The following EGFR variants were observed in gnomAD, a reference collection of about 807,000 sequenced individuals.
The protein encoded by EGFR is epidermal growth factor receptor, also known as avian erythroblastic leukemia viral (v-erb-b) oncogene homolog.
Under a neutral mutation model 143.0 loss-of-function variants are expected in EGFR, and 58 were observed. The ratio of observed to expected loss-of-function variants is 0.41; its 90% CI spans 0.33 to 0.50. The LOEUF (loss-of-function observed/expected upper bound fraction) is 0.50, where lower values mean the gene tolerates loss of function less well. Ranked by LOEUF, EGFR falls within the 20% of genes least tolerant of loss-of-function variation. The pLI is 0.39. For missense variants in EGFR, 1,307 were observed against 1,579.0 expected, an observed-to-expected ratio of 0.83 and a Z score of 2.92; for synonymous variants, 613 against 594.4, an observed-to-expected ratio of 1.03 and a Z score of -0.45.
At chr7:55,032,664 T>C (rs1220011901) in intron 1 of EGFR, among the ~76,000 whole-genome samples, 1 of 152,204 alleles carries the variant, frequency 6.6e-6, no homozygotes, top group Non-Finnish European at 1.5e-5. Context: ...TTTCTGTTAT[T>C]ACTATTTTGC....
chr7:55,208,077 G>A lies in EGFR; in HGVS notation c.*2460G>A, dbSNP rs533081045. ...ACAGTAACTTAATAAAAGAGCAAAA[G>A]CTATTCTAGCTTTCTTCTTCATATT... On this transcript the variant is annotated 3_prime_UTR_variant, in exon 28 of 28. Transcript: ENST00000275493. 6.6e-6 allele frequency: 1 copy of A among 152,230 alleles called. No individual in the cohort carries two copies. Among genetic ancestry groups the A allele is most frequent in the East Asian group, 1.9e-4 (1 of 5,180 alleles). 9.4% of individuals were successfully genotyped at this position (152,230 alleles called of 1,614,324 possible).
intron 1 of EGFR, among the ~76,000 whole-genome samples, chr7:55,139,527 G>A (rs17172448): frequency 0.057 from 8,698 of 152,236 alleles, 307 homozygotes; most frequent in Middle Eastern, 0.16. Flanking sequence ...GTATGTGACA[G>A]GGGAAAGCCT....
intron 1 of EGFR, among the ~76,000 whole-genome samples, chr7:55,141,676 T>A (rs1794466344): frequency 1.3e-5 from 2 of 152,250 alleles, no homozygotes; most frequent in South Asian, 4.1e-4. Flanking sequence ...CCAGTTAGGT[T>A]TTTAATTTAC....
chr7:55,178,999 G>A (rs570184408), intron 19 of EGFR, among the ~76,000 whole-genome samples: 1 of 152,220 alleles, frequency 6.6e-6, no homozygotes, highest in African/African-American at 2.4e-5. Context: ...AAGAAGCAAA[G>A]GTCCAGGCCC....
At chr7:55,049,033 T>C (rs1489542528) in intron 1 of EGFR, among the ~76,000 whole-genome samples, 1 of 152,194 alleles carries the variant, frequency 6.6e-6, no homozygotes, top group East Asian at 1.9e-4. Context: ...AAGATGGCAC[T>C]CTAAACTACT....
intron 10 of EGFR, among the ~76,000 whole-genome samples, chr7:55,157,192 G>C (rs975366422): frequency 8.5e-5 from 13 of 152,242 alleles, no homozygotes; most frequent in African/African-American, 2.9e-4. Flanking sequence ...GTGGGGCCAC[G>C]GGCAAGCCTC....
chr7:55,102,619 G>C (rs1455301228), intron 1 of EGFR, among the ~76,000 whole-genome samples: 1 of 152,036 alleles, frequency 6.6e-6, no homozygotes, highest in Non-Finnish European at 1.5e-5. Context: ...ACAATATATG[G>C]TTTTCCCCTG....
At chr7:55,021,924 C>A (rs1244093839) in intron 1 of EGFR, among the ~76,000 whole-genome samples, 2 of 152,206 alleles carry the variant, frequency 1.3e-5, no homozygotes, top group African/African-American at 4.8e-5. Flanking sequence ...AACTCCAGAT[C>A]CCTCTCTCAA....
At chr7:55,198,998 T>C (rs745990911) in intron 23 of EGFR, 135 bp downstream of exon 23, 2 of 1,155,626 alleles carry the variant, frequency 1.7e-6, no homozygotes, top group Non-Finnish European at 2.5e-6. Context: ...TCCAGAAACA[T>C]CTGTAAATAC....
At chr7:55,114,281 C>G (rs1156513990) in intron 1 of EGFR, among the ~76,000 whole-genome samples, 6 of 152,234 alleles carry the variant, frequency 3.9e-5, no homozygotes, top group Middle Eastern at 3.4e-3. Context: ...GTAGCTCATA[C>G]CTATAATCCC....
At chr7:55,190,126 C>G (rs541766026) in intron 20 of EGFR, among the ~76,000 whole-genome samples, 4 of 152,044 alleles carry the variant, frequency 2.6e-5, no homozygotes, top group Non-Finnish European at 5.9e-5. Flanking sequence ...CGGCTTCTGC[C>G]CCCCCTCTCC....
intron 1 of EGFR, among the ~76,000 whole-genome samples, chr7:55,137,368 C>G (rs955956243): frequency 6.6e-6 from 1 of 152,094 alleles, no homozygotes; most frequent in African/African-American, 2.4e-5. Context: ...TGGATTTGGG[C>G]AAATCTGGAG....
chr7:55,181,546 C>T (rs2128959048), intron 20 of EGFR, 68 bp downstream of exon 20: 3 of 1,594,842 alleles, frequency 1.9e-6, no homozygotes, highest in Non-Finnish European at 2.6e-6. Flanking sequence ...GGTCTGCGCT[C>T]CTGGGATAGC....
At chr7:55,024,617 G>A (rs898873172) in intron 1 of EGFR, among the ~76,000 whole-genome samples, 5 of 152,182 alleles carry the variant, frequency 3.3e-5, no homozygotes, top group African/African-American at 4.8e-5. Flanking sequence ...AAATAATTAC[G>A]TAAGTCAACC....
chr7:55,159,010 C>T (rs1327447666), intron 11 of EGFR, among the ~76,000 whole-genome samples: 1 of 152,202 alleles, frequency 6.6e-6, no homozygotes, highest in Non-Finnish European at 1.5e-5. Flanking sequence ...CTCAGCTGGC[C>T]CAGCCCCCAG....
chr7:55,050,694 C>T lies in EGFR; in HGVS notation c.88+31329C>T, dbSNP rs79241476. Reference sequence around the variant, plus strand: ...CCGCCAGCCCTGCTCAGTCTTCTTGCTTGTCATCCTTGGCTAGGCCTTGCA... The same window carrying T: ...CCGCCAGCCCTGCTCAGTCTTCTTGTTTGTCATCCTTGGCTAGGCCTTGCA... On this transcript the variant is annotated intron_variant, in intron 1 of 27. Transcript: ENST00000275493. Among the ~76,000 whole-genome samples, 808 of 152,330 alleles carry T rather than the reference C, an allele frequency of 5.3e-3. 5 individuals carry two copies. Among genetic ancestry groups the T allele is most frequent in the South Asian group, 0.032 (152 of 4,824 alleles).
chr7:55,042,133 G>A (rs1787933254), intron 1 of EGFR, among the ~76,000 whole-genome samples: 1 of 152,158 alleles, frequency 6.6e-6, no homozygotes, highest in African/African-American at 2.4e-5. Flanking sequence ...ATGATAAAGT[G>A]ATTTTAAGTG....
chr7:55,135,915 AT>A (rs1228076144), intron 1 of EGFR, among the ~76,000 whole-genome samples: 2 of 152,034 alleles, frequency 1.3e-5, no homozygotes, highest in Non-Finnish European at 2.9e-5. Flanking sequence ...ATTTTTTTAA[AT>A]TTTTGGTAAT....
chr7:55,143,277 A>G (rs747680246), intron 2 of EGFR, 28 bp from the exon 3 acceptor site: 5 of 1,613,854 alleles, frequency 3.1e-6, no homozygotes, highest in African/African-American at 1.3e-5. Context: ...CAAAAGAGAA[A>G]TCACGCATTT....
Sources: allele counts gnomAD v4.1 joint callset (sites outside exome capture counted in the v4.1 genomes callset), GRCh38; gene constraint gnomAD v4.1.1; transcripts MANE v1.5; gene names NCBI Gene and HGNC (gene_info 2026-07-23, HGNC 2026-07-21).